MAP3K9: variants seen among roughly 807,000 people sequenced by gnomAD.
MAP3K9 encodes the protein mixed lineage kinase 1 (tyr and ser/thr specificity).
In MAP3K9, 46 loss-of-function variants were observed where a neutral mutation model predicts 95.8. The observed-to-expected ratio is 0.48, with a 90% CI of 0.38 to 0.61. The LOEUF (loss-of-function observed/expected upper bound fraction) is 0.61. Ranked by LOEUF, MAP3K9 falls within the 20% of genes least tolerant of loss-of-function variation. MAP3K9 has a pLI of 0.00. For missense variants in MAP3K9, 1,296 were observed against 1,474.3 expected, an observed-to-expected ratio of 0.88 and a Z score of 1.98; for synonymous variants, 533 against 593.8, an observed-to-expected ratio of 0.90 and a Z score of 1.49.
At chr14:70,742,328 C>A in intron 6 of MAP3K9, 23 bp downstream of exon 6, 1 of 1,608,892 alleles carries the variant, frequency 6.2e-7, no homozygotes, top group Non-Finnish European at 8.5e-7. Flanking sequence ...CTCCCACTTC[C>A]CAGCCAGTCC....
Position 70,799,518 on chromosome 14 carries a change from T to C in MAP3K9, c.820+1149A>G, listed in dbSNP as rs185832523. 8.1e-4 allele frequency among the ~76,000 whole-genome samples: 123 copies of C among 152,162 alleles called. 2 individuals are homozygous for C. Among genetic ancestry groups the C allele is most frequent in the African/African-American group, 2.8e-3 (115 of 41,492 alleles). On this transcript the variant is annotated intron_variant, in intron 2 of 11. Coordinates refer to ENST00000554752, the MANE Select transcript of MAP3K9 (RefSeq NM_001284230.2). Reference sequence around the variant, plus strand: ...CCATGTCCGGCTAATTTTTTGTATTTTTAGTGGAGACGGGGTTTCACCGTG... The same window carrying C: ...CCATGTCCGGCTAATTTTTTGTATTCTTAGTGGAGACGGGGTTTCACCGTG...
At chr14:70,803,043 C>T (rs1317392943) in intron 1 of MAP3K9, among the ~76,000 whole-genome samples, 1 of 152,026 alleles carries the variant, frequency 6.6e-6, no homozygotes, top group African/African-American at 2.4e-5. Flanking sequence ...CGAATTCACA[C>T]AAGATCTGGT....
intron 2 of MAP3K9, among the ~76,000 whole-genome samples, chr14:70,793,071 G>A (rs1030777314): frequency 3.9e-5 from 6 of 152,240 alleles, no homozygotes; most frequent in Non-Finnish European, 7.3e-5. Context: ...ACCATGAGGA[G>A]CGTGACAGGC....
intron 2 of MAP3K9, among the ~76,000 whole-genome samples, chr14:70,771,024 G>A (rs1204064657): frequency 6.6e-6 from 1 of 152,030 alleles, no homozygotes; most frequent in Admixed American, 6.5e-5. Flanking sequence ...ATAAAGTAGA[G>A]GAGATTCTGT....
chr14:70,734,512 A>G lies in MAP3K9; in HGVS notation c.1914-14T>C, dbSNP rs1179500411. The G allele has an allele frequency of 2.0e-6, 3 of 1,487,370 alleles. No individual in the cohort carries two copies. The highest frequency in any genetic ancestry group is 1.1e-5 in the South Asian group (1 of 87,384). The allele number at this position is 1,487,370 out of a possible 1,614,324, so 92.1% of individuals were successfully genotyped here. ...AGGGACTTGAGGCTGAATCAGAGGA[A>G]AAGAGGAAACTGTCAGAACTGGTTA... On this transcript the variant is annotated splice_polypyrimidine_tract_variant and intron_variant, in intron 9 of 11. Coordinates refer to ENST00000554752, the MANE Select transcript of MAP3K9 (RefSeq NM_001284230.2).
chr14:70,734,839 G>A (rs1458409845), intron 9 of MAP3K9, among the ~76,000 whole-genome samples: 1 of 152,214 alleles, frequency 6.6e-6, no homozygotes, highest in Non-Finnish European at 1.5e-5. Context: ...AGAAGCACTC[G>A]AAGCAGACAC....
intron 2 of MAP3K9, among the ~76,000 whole-genome samples, chr14:70,797,731 T>TA (rs902646571): frequency 5.9e-5 from 9 of 151,786 alleles, no homozygotes; most frequent in African/African-American, 1.5e-4. Flanking sequence ...ACCCTGTCTC[T>TA]AAAAAAAATA....
intron 2 of MAP3K9, among the ~76,000 whole-genome samples, chr14:70,781,244 A>G (rs908362188): frequency 1.3e-5 from 2 of 152,204 alleles, no homozygotes; most frequent in African/African-American, 2.4e-5. Context: ...TTGAGCCACT[A>G]TGTAAGGCCA....
chr14:70,787,334 C>T (rs961935285), intron 2 of MAP3K9, among the ~76,000 whole-genome samples: 1 of 151,874 alleles, frequency 6.6e-6, no homozygotes, highest in Non-Finnish European at 1.5e-5. Context: ...TAGTGAAACC[C>T]CGTCTCTACT....
At chr14:70,790,417 C>T (rs538647702) in intron 2 of MAP3K9, among the ~76,000 whole-genome samples, 1 of 152,322 alleles carries the variant, frequency 6.6e-6, no homozygotes, top group East Asian at 1.9e-4. Context: ...GTCCAAACCC[C>T]TCATTTTGCA....
At chr14:70,749,740 G>T in intron 4 of MAP3K9, 193 bp downstream of exon 4, 1 of 596,900 alleles carries the variant, frequency 1.7e-6, no homozygotes, top group Non-Finnish European at 2.9e-6. Context: ...AGTCCCTGGA[G>T]ATATGACTGC....
At chr14:70,804,609 C>A (rs1394773444) in intron 1 of MAP3K9, among the ~76,000 whole-genome samples, 1 of 152,152 alleles carries the variant, frequency 6.6e-6, no homozygotes, top group Admixed American at 6.5e-5. Context: ...TGTACCCTCC[C>A]TTCTTTCCTC....
chr14:70,731,133 C>T (rs1343514401), intron 11 of MAP3K9, among the ~76,000 whole-genome samples: 1 of 141,192 alleles, frequency 7.1e-6, no homozygotes, highest in South Asian at 2.4e-4. Flanking sequence ...GACACACAAG[C>T]TGGCCACCTG....
intron 9 of MAP3K9, among the ~76,000 whole-genome samples, chr14:70,735,601 G>T (rs2053974850): frequency 6.6e-6 from 1 of 152,136 alleles, no homozygotes; most frequent in Admixed American, 6.5e-5. Flanking sequence ...GCTTCCTACT[G>T]AGACTCTCGT....
chr14:70,792,932 G>A (rs1214072154), intron 2 of MAP3K9, among the ~76,000 whole-genome samples: 2 of 152,212 alleles, frequency 1.3e-5, no homozygotes, highest in African/African-American at 4.8e-5. Flanking sequence ...CTGACCTTGT[G>A]AACTCCAAGA....
intron 2 of MAP3K9, among the ~76,000 whole-genome samples, chr14:70,791,810 C>CAAA (rs2054810298): frequency 6.6e-6 from 1 of 152,232 alleles, no homozygotes; most frequent in Non-Finnish European, 1.5e-5. Flanking sequence ...TGATCAAGGT[C>CAAA]TTTCCCCCTG....
At chr14:70,787,507 C>CAAA (rs66469021) in intron 2 of MAP3K9, among the ~76,000 whole-genome samples, 8 of 126,186 alleles carry the variant, frequency 6.3e-5, no homozygotes, top group African/African-American at 2.4e-4. Flanking sequence ...GACTCTGTCT[C>CAAA]AAAAAAAAAA....
chr14:70,790,328 C>T (rs1340458492), intron 2 of MAP3K9, among the ~76,000 whole-genome samples: 1 of 152,238 alleles, frequency 6.6e-6, no homozygotes, highest in African/African-American at 2.4e-5. Flanking sequence ...CACAGGCAGA[C>T]AAACCGTGTA....
chr14:70,771,423 G>A (rs2054530416), intron 2 of MAP3K9, among the ~76,000 whole-genome samples: 1 of 151,994 alleles, frequency 6.6e-6, no homozygotes, highest in Non-Finnish European at 1.5e-5. Flanking sequence ...ATAGAGGAAG[G>A]CATATACGTA....
Sources: gnomAD v4.1 joint callset for allele counts (sites outside exome capture counted in the v4.1 genomes callset) on GRCh38, gnomAD v4.1.1 for gene constraint, MANE v1.5 for transcripts, NCBI Gene and HGNC (gene_info 2026-07-23, HGNC 2026-07-21) for gene names.